The following GSAP variants were observed in gnomAD, a reference collection of about 807,000 sequenced individuals.
The protein encoded by GSAP is gamma-secretase-activating protein.
In GSAP, 118 loss-of-function variants were observed where a neutral mutation model predicts 131.7. The observed-to-expected ratio is 0.90, with a 90% CI of 0.77 to 1.04. The LOEUF (loss-of-function observed/expected upper bound fraction) is 1.04, where lower values mean the gene tolerates loss of function less well. Among genes scored for constraint, GSAP ranks in the 50% least tolerant of loss-of-function variants. GSAP has a pLI of 0.00. For missense variants in GSAP, 1,019 were observed against 1,013.2 expected, an observed-to-expected ratio of 1.01 and a Z score of -0.08; for synonymous variants, 381 against 363.4, an observed-to-expected ratio of 1.05 and a Z score of -0.55.
At chr7:77,365,287 A>T (rs1795118364) in intron 12 of GSAP, among the ~76,000 whole-genome samples, 1 of 151,984 alleles carries the variant, frequency 6.6e-6, no homozygotes, top group Admixed American at 6.6e-5. Flanking sequence ...TTATATAGGT[A>T]AACTCATATC....
chr7:77,389,328 G>GT (rs112764794), intron 5 of GSAP, among the ~76,000 whole-genome samples: 2 of 128,752 alleles, frequency 1.6e-5, no homozygotes, highest in Non-Finnish European at 3.0e-5. Context: ...GTTTTGTTTT[G>GT]TTTTTTGTTT....
intron 12 of GSAP, among the ~76,000 whole-genome samples, chr7:77,364,011 T>C (rs1172433519): frequency 2.0e-5 from 3 of 152,198 alleles, no homozygotes; most frequent in East Asian, 3.8e-4. Flanking sequence ...TCCATTCTTT[T>C]ATATACTATA....
intron 18 of GSAP, 73 bp from the exon 19 acceptor site, chr7:77,349,477 T>G: frequency 3.1e-6 from 4 of 1,304,200 alleles, no homozygotes; most frequent in Non-Finnish European, 4.4e-6. Context: ...TTTCAGGGAG[T>G]GTTTTCTGCA....
At chr7:77,361,027 T>G (rs1794459203) in intron 13 of GSAP, 126 bp from the exon 14 acceptor site, 1 of 615,904 alleles carries the variant, frequency 1.6e-6, no homozygotes, top group Non-Finnish European at 3.0e-6. Context: ...ATCTTCAGAC[T>G]TCTAGATTTC....
rs986013583 is a variant in GSAP at position 77,334,467 on chromosome 7, G to T, written c.1546-4100C>A. On this transcript the variant is annotated intron_variant, in intron 19 of 30. Coordinates refer to ENST00000257626, the MANE Select transcript of GSAP (RefSeq NM_017439.4). ...GCATCAGAATAAATAGCTAATGCAT[G>T]CTGGGCTTAATACCTAGGTGATGGG... Among the ~76,000 whole-genome samples the T allele has an allele frequency of 3.3e-5, 5 of 151,326 alleles. No homozygotes were observed. The Admixed American group carries it at 3.3e-4, about 10-fold the overall frequency.
Position 77,376,893 on chromosome 7 carries a change from G to C in GSAP, c.696C>G (p.Ile232Met), listed in dbSNP as rs756308900. 6.9e-7 allele frequency: 1 copy of C among 1,451,880 alleles called. No homozygotes were observed. Among genetic ancestry groups the C allele is most frequent in the South Asian group, 1.3e-5 (1 of 79,670 alleles). 89.9% of individuals were successfully genotyped at this position (1,451,880 alleles called of 1,614,324 possible). The stretch of plus-strand genomic sequence containing the variant: ...CAGCATAAAACTGGATACATTTTAA[G>C]ATACTCCTTGATTTCTAAAAGAGAA... ...YYIDLKKSRS[I>M]LKCIQFYADE... The change falls in exon 10 of 31, where the codon ATC (isoleucine) becomes ATG (methionine). Residue 232 changes from isoleucine (I) to methionine (M), a missense_variant. Coordinates refer to ENST00000257626, the MANE Select transcript of GSAP (RefSeq NM_017439.4).
chr7:77,400,959 A>G (rs1477220871), intron 3 of GSAP, among the ~76,000 whole-genome samples: 1 of 151,554 alleles, frequency 6.6e-6, no homozygotes, highest in Non-Finnish European at 1.5e-5. Flanking sequence ...TTTTTTAACA[A>G]AACCTCCATG....
intron 19 of GSAP, among the ~76,000 whole-genome samples, chr7:77,332,654 G>A (rs1055483249): frequency 3.3e-5 from 5 of 152,026 alleles, no homozygotes; most frequent in African/African-American, 1.2e-4. Flanking sequence ...AAAAAGATCT[G>A]AATTTAAAAT....
chr7:77,401,839 A>T (rs115946198), intron 3 of GSAP, among the ~76,000 whole-genome samples: 1,755 of 152,362 alleles, frequency 0.012, 32 homozygotes, highest in African/African-American at 0.04. Context: ...AGGAGATAAT[A>T]GTTCCACACT....
intron 19 of GSAP, among the ~76,000 whole-genome samples, chr7:77,335,262 A>C (rs955712327): frequency 6.6e-6 from 1 of 151,950 alleles, no homozygotes; most frequent in African/African-American, 2.4e-5. Context: ...TTAGCCCGGC[A>C]TGGTGGTGTG....
At position 77,415,090 on chromosome 7, in the gene GSAP, A is replaced by G. The variant is rs1310140731; in HGVS notation, c.109+1123T>C. Among the ~76,000 whole-genome samples, 3 of 152,166 alleles carry G rather than the reference A, an allele frequency of 2.0e-5. No individual in the cohort carries two copies. In the East Asian group the frequency reaches 5.8e-4, roughly 29 times the overall value. On this transcript the variant is annotated intron_variant, in intron 1 of 30. Transcript: ENST00000257626. ...GAAAAAAAGTAAAGCCTTACTAAGCATGACACTAATGCAAACTCAATGCAT... is the reference window on the plus strand; with the variant it reads ...GAAAAAAAGTAAAGCCTTACTAAGCGTGACACTAATGCAAACTCAATGCAT...
chr7:77,367,004 T>A (rs1795417198), intron 12 of GSAP, among the ~76,000 whole-genome samples: 1 of 152,184 alleles, frequency 6.6e-6, no homozygotes, highest in Admixed American at 6.5e-5. Flanking sequence ...TGGGATTGCC[T>A]TTCTGATTTG....
At chr7:77,383,995 C>T (rs1210901753) in intron 6 of GSAP, among the ~76,000 whole-genome samples, 1 of 152,120 alleles carries the variant, frequency 6.6e-6, no homozygotes, top group Non-Finnish European at 1.5e-5. Context: ...GCAATAAAGT[C>T]AAAATTATAA....
intron 26 of GSAP, chr7:77,315,649 T>C (rs1219596990): frequency 6.6e-6 from 1 of 152,182 alleles, no homozygotes; most frequent in Non-Finnish European, 1.5e-5. Flanking sequence ...GATTGTAGGG[T>C]AGGCTTTCAA....
chr7:77,381,789 G>A (rs1797849511), intron 7 of GSAP, among the ~76,000 whole-genome samples: 2 of 151,752 alleles, frequency 1.3e-5, no homozygotes, highest in Admixed American at 6.6e-5. Flanking sequence ...AAGACATTTT[G>A]GGGAAGCATT....
chr7:77,414,214 G>C (rs1324187936), intron 1 of GSAP, among the ~76,000 whole-genome samples: 1 of 152,242 alleles, frequency 6.6e-6, no homozygotes, highest in African/African-American at 2.4e-5. Flanking sequence ...AGTATGCATA[G>C]AGGAGGCATT....
chr7:77,389,013 G>A (rs780098874), intron 5 of GSAP, among the ~76,000 whole-genome samples: 1 of 152,010 alleles, frequency 6.6e-6, no homozygotes, highest in Non-Finnish European at 1.5e-5. Flanking sequence ...AGTTACTTTG[G>A]GAATCTACTT....
At chr7:77,356,142 G>A (rs1218233141) in intron 14 of GSAP, among the ~76,000 whole-genome samples, 1 of 152,092 alleles carries the variant, frequency 6.6e-6, no homozygotes, top group Non-Finnish European at 1.5e-5. Flanking sequence ...CAAATGCTGG[G>A]ATTACAAGCA....
In GSAP at chr7:77,313,558, AAGTT is replaced by A. The variant is rs552526918; in HGVS notation, c.2210-13_2210-10del. On this transcript the variant is annotated splice_polypyrimidine_tract_variant and intron_variant, in intron 27 of 30. Coordinates refer to ENST00000257626, the MANE Select transcript of GSAP (RefSeq NM_017439.4). ...CTCTGTATTATCCAGATCTACAAGA[AAGTT>A]AGAGATTAGCAAATGAAACAAATAC... 7.3e-4 allele frequency: 1,016 copies of A among 1,397,022 alleles called. 4 individuals carry two copies. Among genetic ancestry groups the A allele is most frequent in the African/African-American group, 5.6e-3 (398 of 70,612 alleles). The allele number at this position is 1,397,022 out of a possible 1,614,324, so 86.5% of individuals were successfully genotyped here.
Sources: allele counts gnomAD v4.1 joint callset (sites outside exome capture counted in the v4.1 genomes callset), GRCh38; gene constraint gnomAD v4.1.1; transcripts MANE v1.5; gene names NCBI Gene and HGNC (gene_info 2026-07-23, HGNC 2026-07-21).